PTPN4: variants seen among roughly 807,000 people sequenced by gnomAD.
The protein encoded by PTPN4 is protein tyrosine phosphatase non-receptor type 4.
Under a neutral mutation model 135.5 loss-of-function variants are expected in PTPN4, and 49 were observed. The ratio of observed to expected loss-of-function variants is 0.36; its 90% CI spans 0.29 to 0.46. The LOEUF is 0.46. PTPN4 is among the 20% of genes least tolerant of loss of function. PTPN4 has a pLI of 1.00. For synonymous variants in PTPN4, 333 were observed against 369.9 expected, an observed-to-expected ratio of 0.90 and a Z score of 1.14; for missense variants, 860 against 1,101.0, an observed-to-expected ratio of 0.78 and a Z score of 3.10.
Position 119,981,798 on chromosome 2 carries a change from T to C in PTPN4, c.*4728T>C, listed in dbSNP as rs1679700565. ...CTGCCAGAAGTTAGATATTTTTTTA[T>C]AGTCCTGATGAATTTGTTGTGAGTA... On this transcript the variant is annotated 3_prime_UTR_variant, in exon 27 of 27. Transcript: ENST00000263708. The C allele has an allele frequency of 6.6e-6, 1 of 152,166 alleles. No homozygotes were observed. The highest frequency in any genetic ancestry group is 2.1e-4 in the South Asian group (1 of 4,836). The allele number at this position is 152,166 out of a possible 1,614,324, so 9.4% of individuals were successfully genotyped here. A position where few individuals can be genotyped will look rare whatever the true frequency, so the allele number is the denominator to read the frequency against.
chr2:119,975,967 ATTTAT>A (rs1034271150), intron 26 of PTPN4, among the ~76,000 whole-genome samples: 5 of 148,378 alleles, frequency 3.4e-5, no homozygotes, highest in Admixed American at 3.4e-4. Context: ...AACTATTTTT[ATTTAT>A]TTTATTTTAT....
At chr2:119,888,253 T>C (rs1678188165) in intron 9 of PTPN4, among the ~76,000 whole-genome samples, 1 of 152,154 alleles carries the variant, frequency 6.6e-6, no homozygotes, top group Non-Finnish European at 1.5e-5. Context: ...TGGTGGAGTC[T>C]TTAGGTTTTT....
intron 1 of PTPN4, among the ~76,000 whole-genome samples, chr2:119,794,472 A>G (rs1389248099): frequency 6.6e-6 from 1 of 152,116 alleles, no homozygotes; most frequent in Non-Finnish European, 1.5e-5. Context: ...TGGCTGTTGC[A>G]GGGTATGCAG....
chr2:119,852,719 T>C (rs72836842), intron 2 of PTPN4, among the ~76,000 whole-genome samples: 3,653 of 152,230 alleles, frequency 0.024, 65 homozygotes, highest in Non-Finnish European at 0.033. Context: ...GGTAGGAGCT[T>C]AGACTTGATT....
intron 2 of PTPN4, among the ~76,000 whole-genome samples, chr2:119,822,355 T>TCCCCC (rs772960066): frequency 8.9e-6 from 1 of 112,516 alleles, no homozygotes; most frequent in African/African-American, 3.1e-5. Flanking sequence ...TAGTATCCCC[T>TCCCCC]CCCCCCCCCT....
intron 9 of PTPN4, among the ~76,000 whole-genome samples, chr2:119,886,856 T>G (rs1007337539): frequency 6.6e-6 from 1 of 152,200 alleles, no homozygotes; most frequent in Non-Finnish European, 1.5e-5. Flanking sequence ...TGTCAATCTT[T>G]CCTTTAAAAG....
chr2:119,936,228 T>A (rs1251088337), intron 15 of PTPN4, among the ~76,000 whole-genome samples: 1 of 152,208 alleles, frequency 6.6e-6, no homozygotes, highest in Non-Finnish European at 1.5e-5. Flanking sequence ...GGTCTCGATC[T>A]CCTGACCTCG....
In PTPN4 at chr2:119,920,121, G is replaced by A; in HGVS notation, c.881G>A (p.Cys294Tyr). The A allele has an allele frequency of 6.2e-7, 1 of 1,613,228 alleles. No homozygotes were observed. Among genetic ancestry groups the A allele is most frequent in the Non-Finnish European group, 8.5e-7 (1 of 1,179,676 alleles). Residue 294 changes from cysteine to tyrosine, a missense_variant, in exon 12 of 27, where the codon TGT becomes TAT. Physicochemically the swap from Cys to Tyr is radical, Grantham distance 194 (BLOSUM62 -2). Coordinates refer to ENST00000263708, the MANE Select transcript of PTPN4 (RefSeq NM_002830.4). Reference sequence around the variant, plus strand: ...TTTAATATGGTGAATTACAGAGCATGTAAAAATTTGTGGAAAGCATGTGTA... The same window carrying A: ...TTTAATATGGTGAATTACAGAGCATATAAAAATTTGTGGAAAGCATGTGTA... ...LGFNMVNYRA[C>Y]KNLWKACVEH...
intron 1 of PTPN4, among the ~76,000 whole-genome samples, chr2:119,801,253 A>G (rs1691359117): frequency 6.6e-6 from 1 of 152,022 alleles, no homozygotes; most frequent in South Asian, 2.1e-4. Context: ...ACGCCTGGCT[A>G]ATTTTTCTAT....
rs1357082045 is a variant in PTPN4, at chr2:119,934,945, C to G, written c.1342C>G (p.Leu448Val). ...ATCAACACAAGCTAATAGCATTGTT[C>G]TGGAATCATCACCGTAAGAGCTTTT... The part of the protein sequence containing the change: ...PSSTQANSIV[L>V]ESSPSQETPG... The change falls in exon 15 of 27, where the codon CTG becomes GTG. Residue 448 changes from leucine to valine, a missense_variant. Leu to Val is a conservative substitution (Grantham distance 32, BLOSUM62 1). Around this residue, in one of 2 missense-constraint regions of PTPN4, gnomAD observed 684 missense variants for 807.0 expected, o/e 0.85. Coordinates refer to ENST00000263708, the MANE Select transcript of PTPN4 (RefSeq NM_002830.4). 1 of 1,611,962 alleles carries G rather than the reference C, an allele frequency of 6.2e-7. No individual in the cohort carries two copies. The highest frequency in any genetic ancestry group is 2.2e-5 in the East Asian group (1 of 44,870).
intron 1 of PTPN4, among the ~76,000 whole-genome samples, chr2:119,768,795 A>T (rs1001154698): frequency 1.3e-5 from 2 of 152,140 alleles, no homozygotes; most frequent in African/African-American, 4.8e-5. Context: ...TTCTCATTTA[A>T]TCTTTTTCCC....
At chr2:119,825,191 GAAT>G (rs1242514086) in intron 2 of PTPN4, among the ~76,000 whole-genome samples, 1 of 152,008 alleles carries the variant, frequency 6.6e-6, no homozygotes, top group African/African-American at 2.4e-5. Flanking sequence ...TAATAGTTTT[GAAT>G]AATATTTAGA....
intron 8 of PTPN4, 151 bp downstream of exon 8, chr2:119,882,774 T>C: frequency 1.4e-6 from 1 of 739,722 alleles, no homozygotes; most frequent in Non-Finnish European, 2.0e-6. Context: ...AGGTGATCTA[T>C]GCTAAAAAAC....
At chr2:119,886,690 T>A (rs1639744587) in intron 9 of PTPN4, among the ~76,000 whole-genome samples, 1 of 152,230 alleles carries the variant, frequency 6.6e-6, no homozygotes, top group Non-Finnish European at 1.5e-5. Flanking sequence ...TCTTAGATAA[T>A]TATTTTCAAT....
intron 10 of PTPN4, among the ~76,000 whole-genome samples, chr2:119,906,813 C>G (rs1345365871): frequency 2.6e-5 from 4 of 152,120 alleles, no homozygotes; most frequent in African/African-American, 9.7e-5. Context: ...AAGTCCTAGC[C>G]AGAGCAGTCA....
intron 1 of PTPN4, among the ~76,000 whole-genome samples, chr2:119,788,975 A>AT (rs1457782932): frequency 6.6e-6 from 1 of 152,068 alleles, no homozygotes; most frequent in Non-Finnish European, 1.5e-5. Flanking sequence ...TCTATTTTTC[A>AT]TTTTTTGAGG....
intron 1 of PTPN4, among the ~76,000 whole-genome samples, chr2:119,766,478 GTGTGTC>G (rs1172211997): frequency 0.044 from 5,193 of 118,690 alleles, 109 homozygotes; most frequent in South Asian, 0.07. Context: ...GTGTGTGTGT[GTGTGTC>G]TGTGTGTGTG....
intron 19 of PTPN4, among the ~76,000 whole-genome samples, chr2:119,953,464 T>C (rs1679237514): frequency 6.6e-6 from 1 of 152,186 alleles, no homozygotes; most frequent in African/African-American, 2.4e-5. Context: ...ATTGGCTTTC[T>C]AGGAAGATTA....
rs1339394759 is a variant in PTPN4 at position 119,881,925 on chromosome 2, A to G, written c.413+95A>G. On this transcript the variant is annotated intron_variant, in intron 6 of 26. Transcript: ENST00000263708. ...AGTAATTCATGGTCATTGCAAACAA[A>G]TTATTTAAGAAGGTTACATGTAGTG... The G allele has an allele frequency of 4.4e-6, 5 of 1,123,948 alleles. No individual in the cohort carries two copies. In the East Asian group the frequency reaches 1.2e-4, roughly 27 times the overall value. The allele number at this position is 1,123,948 out of a possible 1,614,324, so 69.6% of individuals were successfully genotyped here. A position where few individuals can be genotyped will look rare whatever the true frequency, so the allele number is the denominator to read the frequency against.
Sources: gnomAD v4.1 joint callset for allele counts (sites outside exome capture counted in the v4.1 genomes callset) on GRCh38, gnomAD v4.1.1 for gene constraint, gnomAD v4.1.1 regional missense constraint, MANE v1.5 for transcripts, NCBI Gene and HGNC (gene_info 2026-07-23, HGNC 2026-07-21) for gene names.